SMCHD1: variants seen among roughly 807,000 people sequenced by gnomAD.
The protein encoded by SMCHD1 is structural maintenance of chromosomes flexible hinge domain containing 1, also known as structural maintenance of chromosomes flexible hinge domain-containing protein 1.
SMCHD1 carries 78 observed loss-of-function variants against 254.7 expected under a neutral mutation model. The observed-to-expected ratio is 0.31, with a 90% CI of 0.26 to 0.37. SMCHD1 has a LOEUF of 0.37. Among genes scored for constraint, SMCHD1 ranks in the 10% least tolerant of loss-of-function variants. SMCHD1 has a pLI of 1.00. For missense variants in SMCHD1, 1,840 were observed against 2,408.1 expected, an observed-to-expected ratio of 0.76 and a Z score of 4.94; for synonymous variants, 766 against 794.9, an observed-to-expected ratio of 0.96 and a Z score of 0.61.
chr18:2,777,364 C>T (rs1250259145), intron 42 of SMCHD1, among the ~76,000 whole-genome samples: 2 of 152,204 alleles, frequency 1.3e-5, no homozygotes, highest in Non-Finnish European at 2.9e-5. Context: ...GCTTCAATTG[C>T]TCTTCCTATT....
At chr18:2,796,566 A>G (rs1309990913) in intron 47 of SMCHD1, 45 bp downstream of exon 47, 23 of 1,275,212 alleles carry the variant, frequency 1.8e-5, no homozygotes, top group Non-Finnish European at 2.6e-5. Context: ...AGTTTACCAA[A>G]GTTCTTGGGT....
intron 34 of SMCHD1, among the ~76,000 whole-genome samples, chr18:2,754,551 C>T (rs2075637055): frequency 1.3e-5 from 2 of 152,206 alleles, no homozygotes; most frequent in Admixed American, 6.5e-5. Flanking sequence ...ACTGGGGACT[C>T]AGCATTCAGG....
At chr18:2,711,103 A>G (rs2074656605) in intron 17 of SMCHD1, among the ~76,000 whole-genome samples, 4 of 152,086 alleles carry the variant, frequency 2.6e-5, no homozygotes, top group Admixed American at 2.0e-4. Context: ...CAGCCTCCTG[A>G]GTAGCTAGGA....
intron 44 of SMCHD1, among the ~76,000 whole-genome samples, chr18:2,783,990 A>G (rs2076199854): frequency 6.6e-6 from 1 of 152,072 alleles, no homozygotes; most frequent in African/African-American, 2.4e-5. Flanking sequence ...CATACCTAAA[A>G]CCATAGTATT....
In SMCHD1 at chr18:2,656,381, G is replaced by C. The variant is rs1028596217; in HGVS notation, c.186+120G>C. 1.1e-4 allele frequency: 106 copies of C among 964,604 alleles called. No homozygotes were observed. The South Asian group carries it at 1.9e-3, about 17-fold the overall frequency. 59.8% of individuals were successfully genotyped at this position (964,604 alleles called of 1,614,324 possible). ...CACCCGGTCCCGGTCCTGCGGCCTT[G>C]GCTTCCCTCTCCCGTGTGCCCGCCA... On this transcript the variant is annotated intron_variant, in intron 1 of 47. Coordinates refer to ENST00000320876, the MANE Select transcript of SMCHD1 (RefSeq NM_015295.3).
At chr18:2,686,941 T>C (rs1335874874) in intron 5 of SMCHD1, among the ~76,000 whole-genome samples, 1 of 152,166 alleles carries the variant, frequency 6.6e-6, no homozygotes, top group African/African-American at 2.4e-5. Flanking sequence ...CTTAAATTTA[T>C]TGTCTTCTGC....
chr18:2,739,534 G>C lies in SMCHD1; in HGVS notation c.3514+14G>C. 1 of 1,598,346 alleles carries C rather than the reference G, an allele frequency of 6.3e-7. No homozygotes were observed. Among genetic ancestry groups the C allele is most frequent in the Non-Finnish European group, 8.5e-7 (1 of 1,171,544 alleles). ...AAGGAGAAGTAGGTTAGTATGGCTT[G>C]CTTTAAAAAACAAACAACAAAAAAA... On this transcript the variant is annotated intron_variant, in intron 27 of 47. Coordinates refer to ENST00000320876, the MANE Select transcript of SMCHD1 (RefSeq NM_015295.3).
At chr18:2,687,695 T>C (rs1380957799) in intron 5 of SMCHD1, among the ~76,000 whole-genome samples, 1 of 152,220 alleles carries the variant, frequency 6.6e-6, no homozygotes, top group Non-Finnish European at 1.5e-5. Context: ...CCTTTGGTCA[T>C]TTATGTCTTT....
intron 41 of SMCHD1, among the ~76,000 whole-genome samples, chr18:2,773,440 A>G (rs558951237): frequency 1.3e-4 from 20 of 152,168 alleles, no homozygotes; most frequent in Non-Finnish European, 2.8e-4. Context: ...CTTTTTAAAT[A>G]TTTCCCATTG....
At position 2,770,050 on chromosome 18, in the gene SMCHD1, T is replaced by C; in HGVS notation, c.4908T>C (p.Ser1636=). 1 of 1,605,064 alleles carries C rather than the reference T, an allele frequency of 6.2e-7. No homozygotes were observed. The highest frequency in any genetic ancestry group is 8.5e-7 in the Non-Finnish European group (1 of 1,177,740). The change falls in exon 39 of 48, where the codon TCT becomes TCC. Residue 1636 remains serine, a synonymous_variant. Coordinates refer to ENST00000320876, the MANE Select transcript of SMCHD1 (RefSeq NM_015295.3). Reference sequence around the variant, plus strand: ...AAGAAAAGGACCAATTATCTCAGTCTATTGTTATGTATAAAAGTTTATTTG... The same window carrying C: ...AAGAAAAGGACCAATTATCTCAGTCCATTGTTATGTATAAAAGTTTATTTG... ...LTKEKDQLSQ[S]IVMYKSLFEA...
At position 2,803,276 on chromosome 18, in the gene SMCHD1, CT is replaced by C. The variant is rs2076395830; in HGVS notation, c.*727del. The C allele has an allele frequency of 2.0e-5, 3 of 148,682 alleles. No individual in the cohort carries two copies. Among genetic ancestry groups the C allele is most frequent in the African/African-American group, 7.4e-5 (3 of 40,704 alleles). The allele number at this position is 148,682 out of a possible 1,614,324, so 9.2% of individuals were successfully genotyped here. On this transcript the variant is annotated 3_prime_UTR_variant, in exon 48 of 48. Transcript: ENST00000320876. ...AGTTTTATAACTATTGTTTGTTTGA[CT>C]TTATTAATACTAGAATATGTAGTCT...
intron 39 of SMCHD1, 43 bp from the exon 40 acceptor site, chr18:2,771,490 G>A: frequency 1.5e-6 from 2 of 1,366,504 alleles, no homozygotes; most frequent in African/African-American, 1.5e-5. Context: ...TATGATTTGG[G>A]GGCTATCAGA....
chr18:2,704,003 C>A, intron 13 of SMCHD1, 117 bp downstream of exon 13: 1 of 754,690 alleles, frequency 1.3e-6, no homozygotes, highest in Non-Finnish European at 2.0e-6. Context: ...TTTTCCCATT[C>A]TCACATTTCA....
intron 23 of SMCHD1, 56 bp from the exon 24 acceptor site, chr18:2,729,218 CG>C (rs2075087352): frequency 2.3e-6 from 3 of 1,297,104 alleles, no homozygotes; most frequent in Admixed American, 3.6e-5. Context: ...TGAACAATTA[CG>C]GAAGAATCAA....
chr18:2,712,171 A>T (rs1487894865), intron 17 of SMCHD1, among the ~76,000 whole-genome samples: 1 of 150,578 alleles, frequency 6.6e-6, no homozygotes, highest in Non-Finnish European at 1.5e-5. Flanking sequence ...TTGCTAGCAT[A>T]TTGTTGAGAA....
intron 19 of SMCHD1, among the ~76,000 whole-genome samples, chr18:2,721,021 T>A (rs1344039385): frequency 5.3e-5 from 8 of 152,216 alleles, no homozygotes; most frequent in Non-Finnish European, 1.5e-5. Flanking sequence ...GGTCGTTGAC[T>A]AGCACATGCA....
chr18:2,656,246 C>T lies in SMCHD1; in HGVS notation c.171C>T (p.Arg57=). ...VGERSDYAGF[R]ACVCQTLGIS... Reference sequence around the variant, plus strand: ...AGCGCTCGGACTACGCGGGATTTCGCGCGTGTGTGTGTCAGGTACGCGAAG... The same window carrying T: ...AGCGCTCGGACTACGCGGGATTTCGTGCGTGTGTGTGTCAGGTACGCGAAG... The change falls in exon 1 of 48, where the codon CGC becomes CGT. Residue 57 remains arginine (R), a synonymous_variant. Transcript: ENST00000320876. 1 of 1,501,754 alleles carries T rather than the reference C, an allele frequency of 6.7e-7. No homozygotes were observed. Among genetic ancestry groups the T allele is most frequent in the Admixed American group, 2.7e-5 (1 of 36,568 alleles). 93.0% of individuals were successfully genotyped at this position (1,501,754 alleles called of 1,614,324 possible).
chr18:2,798,859 G>A (rs1156945205), intron 47 of SMCHD1, among the ~76,000 whole-genome samples: 1 of 152,136 alleles, frequency 6.6e-6, no homozygotes, highest in African/African-American at 2.4e-5. Flanking sequence ...ATTCCTCAAG[G>A]TGCAGTTCTA....
chr18:2,655,804 G>T lies in SMCHD1; in HGVS notation c.-272G>T, dbSNP rs1359688380. The T allele has an allele frequency of 6.6e-6, 2 of 304,694 alleles. No homozygotes were observed. The highest frequency in any genetic ancestry group is 1.0e-4 in the Admixed American group (2 of 19,590). The allele number at this position is 304,694 out of a possible 1,614,324, so 18.9% of individuals were successfully genotyped here. On this transcript the variant is annotated 5_prime_UTR_variant, in exon 1 of 48. Transcript: ENST00000320876. ...GGCGATAGGCGCTGGGCCCGGGCCC[G>T]GTGAGGAGCGCGCCGCGCGTCCCCT... is the stretch of plus-strand genomic sequence containing the variant.
Sources: allele counts gnomAD v4.1 joint callset (sites outside exome capture counted in the v4.1 genomes callset), GRCh38; gene constraint gnomAD v4.1.1; transcripts MANE v1.5; gene names NCBI Gene and HGNC (gene_info 2026-07-23, HGNC 2026-07-21).